SLC26A7: variants seen among roughly 807,000 people sequenced by gnomAD.
SLC26A7 encodes the protein anion exchange transporter.
Under a neutral mutation model 82.5 loss-of-function variants are expected in SLC26A7, and 59 were observed. The ratio of observed to expected loss-of-function variants is 0.72; its 90% CI spans 0.58 to 0.89. SLC26A7 has a LOEUF of 0.89. Among genes scored for constraint, SLC26A7 ranks in the 40% least tolerant of loss-of-function variants. The probability of loss-of-function intolerance (pLI) is 0.00; values close to 1 mark genes in which losing one functional copy is unlikely to be tolerated. For missense variants in SLC26A7, 820 were observed against 793.0 expected, an observed-to-expected ratio of 1.03 and a Z score of -0.41; for synonymous variants, 271 against 274.3, an observed-to-expected ratio of 0.99 and a Z score of 0.12.
chr8:91,389,036 T>C (rs932893977), intron 15 of SLC26A7, among the ~76,000 whole-genome samples: 1 of 152,232 alleles, frequency 6.6e-6, no homozygotes, highest in East Asian at 1.9e-4. Flanking sequence ...AGATATTCTT[T>C]AAAAATTATT....
intron 2 of SLC26A7, among the ~76,000 whole-genome samples, chr8:91,253,257 T>C (rs1156232892): frequency 6.6e-6 from 1 of 152,122 alleles, no homozygotes; most frequent in Non-Finnish European, 1.5e-5. Flanking sequence ...CTCACTTTTA[T>C]ACTAGACTTC....
chr8:91,354,752 C>T (rs1367470836), intron 11 of SLC26A7, among the ~76,000 whole-genome samples: 3 of 152,040 alleles, frequency 2.0e-5, no homozygotes, highest in African/African-American at 7.2e-5. Context: ...TTTGTTAGTC[C>T]TCACCACCAG....
chr8:91,313,801 G>C (rs958840760), intron 4 of SLC26A7, among the ~76,000 whole-genome samples: 2 of 152,180 alleles, frequency 1.3e-5, no homozygotes, highest in Non-Finnish European at 2.9e-5. Flanking sequence ...GGAACAATAA[G>C]TGATTTGGTA....
chr8:91,373,116 C>A (rs934308076), intron 15 of SLC26A7, among the ~76,000 whole-genome samples: 1 of 151,680 alleles, frequency 6.6e-6, no homozygotes, highest in Non-Finnish European at 1.5e-5. Context: ...GTTCCAGAAA[C>A]CTTTTGGTAG....
intron 2 of SLC26A7, among the ~76,000 whole-genome samples, chr8:91,282,419 A>G (rs1427906969): frequency 6.6e-6 from 1 of 152,180 alleles, no homozygotes; most frequent in Non-Finnish European, 1.5e-5. Flanking sequence ...GGAAACTTCT[A>G]TGCTTCTGCT....
intron 4 of SLC26A7, among the ~76,000 whole-genome samples, chr8:91,317,274 G>C (rs566566392): frequency 1.3e-5 from 2 of 152,246 alleles, no homozygotes; most frequent in South Asian, 4.1e-4. Flanking sequence ...GATTCTGCCT[G>C]GTCATGAAAT....
chr8:91,256,555 T>A (rs1406303700), intron 2 of SLC26A7, among the ~76,000 whole-genome samples: 2 of 152,086 alleles, frequency 1.3e-5, no homozygotes, highest in Non-Finnish European at 2.9e-5. Context: ...ACAGTAGAGA[T>A]AATGTGCCTC....
chr8:91,353,797 T>C (rs766507657), intron 11 of SLC26A7, among the ~76,000 whole-genome samples: 4 of 152,086 alleles, frequency 2.6e-5, no homozygotes, highest in Non-Finnish European at 4.4e-5. Context: ...TCAATATTAC[T>C]GAGCTCCCAC....
chr8:91,224,597 C>G (rs1242452087), intron 2 of SLC26A7, among the ~76,000 whole-genome samples: 4 of 152,178 alleles, frequency 2.6e-5, no homozygotes, highest in East Asian at 1.9e-4. Flanking sequence ...AGGCCCCAAC[C>G]CCTGATGCCA....
At chr8:91,266,109 T>C (rs2130725478) in intron 2 of SLC26A7, among the ~76,000 whole-genome samples, 1 of 151,904 alleles carries the variant, frequency 6.6e-6, no homozygotes, top group South Asian at 2.1e-4. Flanking sequence ...GAGTTGATTT[T>C]TGTATATTAT....
intron 5 of SLC26A7, among the ~76,000 whole-genome samples, chr8:91,331,850 A>T (rs945251339): frequency 2.0e-5 from 3 of 152,100 alleles, no homozygotes; most frequent in Non-Finnish European, 2.9e-5. Flanking sequence ...ATAATTTGAT[A>T]AAAGAAAGAA....
chr8:91,364,574 C>T (rs1029199681), intron 13 of SLC26A7, among the ~76,000 whole-genome samples: 1 of 152,144 alleles, frequency 6.6e-6, no homozygotes, highest in African/African-American at 2.4e-5. Context: ...TTGTGCAAAG[C>T]CCCAGACTGA....
intron 3 of SLC26A7, among the ~76,000 whole-genome samples, chr8:91,290,322 A>T (rs2130767857): frequency 6.6e-6 from 1 of 152,272 alleles, no homozygotes; most frequent in South Asian, 2.1e-4. Flanking sequence ...TTTGGTGCTT[A>T]GAACAAGATA....
chr8:91,266,289 G>T (rs1811110261), intron 2 of SLC26A7, among the ~76,000 whole-genome samples: 1 of 151,694 alleles, frequency 6.6e-6, no homozygotes, highest in African/African-American at 2.4e-5. Context: ...TTGATATTTT[G>T]ATAGGGATTG....
chr8:91,297,425 C>G (rs1013009657), intron 4 of SLC26A7, among the ~76,000 whole-genome samples: 3 of 151,820 alleles, frequency 2.0e-5, no homozygotes, highest in African/African-American at 7.3e-5. Context: ...AAATATATGT[C>G]TCATTTCCCC....
At chr8:91,255,825 T>C (rs1220893183) in intron 2 of SLC26A7, among the ~76,000 whole-genome samples, 1 of 152,158 alleles carries the variant, frequency 6.6e-6, no homozygotes, top group African/African-American at 2.4e-5. Context: ...GCTGTCCATA[T>C]TGAAGAACCA....
At chr8:91,335,253 TATA>T (rs1489462508) in intron 6 of SLC26A7, among the ~76,000 whole-genome samples, 3 of 152,156 alleles carry the variant, frequency 2.0e-5, no homozygotes, top group Middle Eastern at 3.2e-3. Context: ...TATGTACAAT[TATA>T]AGGCTAGCAC....
chr8:91,300,272 T>A (rs905158989), intron 4 of SLC26A7, among the ~76,000 whole-genome samples: 1 of 152,250 alleles, frequency 6.6e-6, no homozygotes, highest in African/African-American at 2.4e-5. Context: ...TTTACCATTA[T>A]GTCCTCTGGC....
chr8:91,390,159 G>C (rs1250817837), intron 16 of SLC26A7, among the ~76,000 whole-genome samples: 1 of 149,422 alleles, frequency 6.7e-6, no homozygotes, highest in Non-Finnish European at 1.5e-5. Flanking sequence ...CGCCCAGGCT[G>C]GAGTGCAGTG....
Sources: allele counts gnomAD v4.1 joint callset (sites outside exome capture counted in the v4.1 genomes callset), GRCh38; gene constraint gnomAD v4.1.1; transcripts MANE v1.5; gene names NCBI Gene and HGNC (gene_info 2026-07-23, HGNC 2026-07-21).